Variants in DYM observed in about 807,000 individuals in gnomAD.
DYM encodes dyggve-Melchior-Clausen syndrome protein.
In DYM, 78 loss-of-function variants were observed where a neutral mutation model predicts 93.1. The ratio of observed to expected loss-of-function variants is 0.84; its 90% CI spans 0.70 to 1.01. The LOEUF (loss-of-function observed/expected upper bound fraction) is 1.01, where lower values mean the gene tolerates loss of function less well. Ranked by LOEUF, DYM falls within the 50% of genes least tolerant of loss-of-function variation. The pLI is 0.00. For synonymous variants in DYM, 321 were observed against 319.7 expected, an observed-to-expected ratio of 1.00 and a Z score of -0.04; for missense variants, 789 against 845.0, an observed-to-expected ratio of 0.93 and a Z score of 0.82.
chr18:49,153,101 A>G (rs968093903), intron 15 of DYM, among the ~76,000 whole-genome samples: 1 of 152,256 alleles, frequency 6.6e-6, no homozygotes, highest in Non-Finnish European at 1.5e-5. Flanking sequence ...AGAGTAGATC[A>G]TAAGTGTTCT....
intron 13 of DYM, among the ~76,000 whole-genome samples, chr18:49,229,782 T>C (rs1011355353): frequency 1.3e-5 from 2 of 152,136 alleles, no homozygotes; most frequent in Non-Finnish European, 2.9e-5. Context: ...CCAAGAGAAA[T>C]GAAAATGTTA....
intron 2 of DYM, among the ~76,000 whole-genome samples, chr18:49,396,173 C>G (rs1295016437): frequency 6.6e-6 from 1 of 152,144 alleles, no homozygotes; most frequent in Admixed American, 6.5e-5. Flanking sequence ...CCAAATAAAC[C>G]TCTTTTCTTT....
intron 2 of DYM, among the ~76,000 whole-genome samples, chr18:49,429,615 G>T (rs2074617320): frequency 6.6e-6 from 1 of 152,198 alleles, no homozygotes; most frequent in Admixed American, 6.5e-5. Context: ...TGGTAGGTAT[G>T]CAAATTGCTA....
intron 1 of DYM, among the ~76,000 whole-genome samples, chr18:49,440,883 T>TATATA (rs2081326142): frequency 0.1 from 1 of 10 alleles, no homozygotes; most frequent in African/African-American, 0.5. Context: ...ATATATATTA[T>TATATA]ATATATAATA....
At chr18:49,084,092 C>A (rs1194461145) in intron 17 of DYM, among the ~76,000 whole-genome samples, 1 of 151,984 alleles carries the variant, frequency 6.6e-6, no homozygotes, top group Non-Finnish European at 1.5e-5. Context: ...CTGATGTTTT[C>A]TTTTATTCTA....
chr18:49,121,022 A>G (rs919029869), intron 15 of DYM, among the ~76,000 whole-genome samples: 2 of 152,206 alleles, frequency 1.3e-5, no homozygotes, highest in Non-Finnish European at 2.9e-5. Flanking sequence ...ATTCAACTGA[A>G]ATGTATGAAA....
chr18:49,172,368 G>C (rs2088856633), intron 14 of DYM, among the ~76,000 whole-genome samples: 1 of 152,220 alleles, frequency 6.6e-6, no homozygotes, highest in Non-Finnish European at 1.5e-5. Flanking sequence ...CTATGAGTAA[G>C]ATTGCTGGAT....
At chr18:49,071,557 C>T (rs1197105789) in intron 17 of DYM, among the ~76,000 whole-genome samples, 1 of 152,180 alleles carries the variant, frequency 6.6e-6, no homozygotes, top group Non-Finnish European at 1.5e-5. Flanking sequence ...ATGAGCAAAA[C>T]CACCAGCCAG....
chr18:49,279,154 T>A (rs1050796973), intron 10 of DYM, among the ~76,000 whole-genome samples: 11 of 152,214 alleles, frequency 7.2e-5, no homozygotes, highest in African/African-American at 2.7e-4. Flanking sequence ...TAAGAAGTTA[T>A]ACCAGATTAA....
chr18:49,149,184 A>T (rs1409011000), intron 15 of DYM, among the ~76,000 whole-genome samples: 1 of 152,148 alleles, frequency 6.6e-6, no homozygotes, highest in Non-Finnish European at 1.5e-5. Flanking sequence ...CTGATCTGGC[A>T]GGTGGTGGAG....
At chr18:49,125,308 C>G (rs1012152974) in intron 15 of DYM, among the ~76,000 whole-genome samples, 3 of 152,074 alleles carry the variant, frequency 2.0e-5, no homozygotes, top group Admixed American at 2.0e-4. Context: ...TAAAGAATCC[C>G]TATACAGAAA....
chr18:49,118,293 C>A (rs2082086717), intron 16 of DYM, among the ~76,000 whole-genome samples: 1 of 151,786 alleles, frequency 6.6e-6, no homozygotes, highest in African/African-American at 2.4e-5. Context: ...AAAACCATAT[C>A]AAAAATATAA....
At chr18:49,079,098 ACTGT>A (rs1183341665) in intron 17 of DYM, among the ~76,000 whole-genome samples, 1 of 152,186 alleles carries the variant, frequency 6.6e-6, no homozygotes, top group South Asian at 2.1e-4. Context: ...CATATCTGCA[ACTGT>A]CTGTCTTTTT....
intron 2 of DYM, among the ~76,000 whole-genome samples, chr18:49,405,259 C>A (rs937948896): frequency 1.3e-5 from 2 of 152,122 alleles, no homozygotes; most frequent in African/African-American, 4.8e-5. Context: ...ATAGATTCCA[C>A]TGGTCAATTT....
chr18:49,341,755 G>C (rs2064172567), intron 6 of DYM, among the ~76,000 whole-genome samples: 1 of 152,108 alleles, frequency 6.6e-6, no homozygotes, highest in Admixed American at 6.5e-5. Context: ...CCATGAGTTT[G>C]GGGAAGTCAG....
At chr18:49,262,985 C>G (rs1414042454) in intron 11 of DYM, among the ~76,000 whole-genome samples, 1 of 152,188 alleles carries the variant, frequency 6.6e-6, no homozygotes, top group Admixed American at 6.5e-5. Flanking sequence ...CCTGACTCTC[C>G]ATATTCTTAC....
intron 2 of DYM, among the ~76,000 whole-genome samples, chr18:49,418,458 A>C (rs1156920824): frequency 6.6e-6 from 1 of 152,226 alleles, no homozygotes; most frequent in Non-Finnish European, 1.5e-5. Flanking sequence ...GTGAAAAAAT[A>C]AAAACTATTA....
chr18:49,176,164 T>C (rs1228298151), intron 14 of DYM, among the ~76,000 whole-genome samples: 1 of 152,040 alleles, frequency 6.6e-6, no homozygotes, highest in Non-Finnish European at 1.5e-5. Context: ...GTGGAAGACA[T>C]AGAAAGAAAA....
chr18:49,268,663 G>T (rs2094613626), intron 11 of DYM, among the ~76,000 whole-genome samples: 1 of 152,044 alleles, frequency 6.6e-6, no homozygotes, highest in Admixed American at 6.6e-5. Flanking sequence ...TGTTATTGCT[G>T]CTGCTGAAGC....
Sources: gnomAD v4.1 joint callset for allele counts (sites outside exome capture counted in the v4.1 genomes callset) on GRCh38, gnomAD v4.1.1 for gene constraint, MANE v1.5 for transcripts, NCBI Gene and HGNC (gene_info 2026-07-23, HGNC 2026-07-21) for gene names.